NLGN4X: variants seen among roughly 807,000 people sequenced by gnomAD.
NLGN4X encodes the protein neuroligin 4 X-linked.
Under a neutral mutation model 40.3 loss-of-function variants are expected in NLGN4X, and 3 were observed. That is an observed-to-expected ratio of 0.07 (90% CI 0.03 to 0.19). The LOEUF is 0.19. Among genes scored for constraint, NLGN4X ranks in the 10% least tolerant of loss-of-function variants. The pLI, the probability that NLGN4X is intolerant of heterozygous loss-of-function variation, is 1.00. For missense variants in NLGN4X, 382 were observed against 708.3 expected (o/e 0.54, Z 5.23); for synonymous variants, 270 against 306.8 (o/e 0.88, Z 1.25).
At chrX:6,040,910 T>C (rs2037138699) in intron 2 of NLGN4X, among the ~76,000 whole-genome samples, 1 of 111,560 alleles carries the variant, frequency 9.0e-6, no homozygotes, top group Admixed American at 9.6e-5. Context: ...ATTGACAATA[T>C]CTAATGGCAG....
chrX:6,146,390 T>C (rs1312344786), intron 2 of NLGN4X, among the ~76,000 whole-genome samples: 1 of 112,212 alleles, frequency 8.9e-6, no homozygotes, highest in Non-Finnish European at 1.9e-5. Flanking sequence ...AAAAATAGCC[T>C]GTCCCTGAGC....
intron 2 of NLGN4X, among the ~76,000 whole-genome samples, chrX:6,071,589 T>A (rs2178609): frequency 3.6e-5 from 4 of 110,410 alleles, no homozygotes; most frequent in African/African-American, 1.3e-4. Context: ...GATCCCCTCA[T>A]GGTCCCGGAG....
intron 3 of NLGN4X, among the ~76,000 whole-genome samples, chrX:5,926,166 A>G (rs5915624): frequency 0.026 from 2,782 of 105,212 alleles, 33 homozygotes; most frequent in Non-Finnish European, 0.034. Flanking sequence ...TCCCCTTTCA[A>G]TGGGCACTCA....
At chrX:5,960,884 T>C (rs911138681) in intron 3 of NLGN4X, among the ~76,000 whole-genome samples, 1 of 112,143 alleles carries the variant, frequency 8.9e-6, no homozygotes, top group Non-Finnish European at 1.9e-5. Flanking sequence ...TTCACCACCA[T>C]ATTTTCCATA....
intron 1 of NLGN4X, among the ~76,000 whole-genome samples, chrX:6,224,993 TATATATATATATATATATACAC>T (rs1481753584): frequency 9.6e-5 from 5 of 52,286 alleles, no homozygotes; most frequent in African/African-American, 4.1e-4. Flanking sequence ...TATATATATA[TATATATATATATATATATACAC>T]ACACACACAC....
intron 3 of NLGN4X, among the ~76,000 whole-genome samples, chrX:5,940,608 A>C (rs945467415): frequency 9.1e-6 from 1 of 109,704 alleles, no homozygotes; most frequent in African/African-American, 3.4e-5. Flanking sequence ...AGAAAAAAAA[A>C]AAACTTTTTT....
chrX:6,132,682 G>A (rs2039706627), intron 2 of NLGN4X, among the ~76,000 whole-genome samples: 1 of 111,688 alleles, frequency 9.0e-6, no homozygotes, highest in African/African-American at 3.3e-5. Flanking sequence ...ACCCATCTGA[G>A]AGCTCCAGAT....
At chrX:5,919,020 AGAGATTTAAATAGCTGGGG>A (rs1451304880) in intron 3 of NLGN4X, among the ~76,000 whole-genome samples, 17 of 112,405 alleles carry the variant, frequency 1.5e-4, no homozygotes, top group Non-Finnish European at 3.0e-4. Context: ...TTATTTACGG[AGAGATTTAAATAGCTGGGG>A]CTAAGATTTC....
In NLGN4X at chrX:6,098,930, C is replaced by T. The variant is rs2038844352; in HGVS notation, c.472+52065G>A. Among the ~76,000 whole-genome samples, 3 of 112,223 alleles carry T rather than the reference C, an allele frequency of 2.7e-5. No individual in the cohort carries two copies. In the South Asian group the frequency reaches 1.1e-3, roughly 41 times the overall value. ...TGTGGGTGATCTGATGATTATTTTTCTTCAACTGCTGGAAGAGTTTCTCAA... is the reference window on the plus strand; with the variant it reads ...TGTGGGTGATCTGATGATTATTTTTTTTCAACTGCTGGAAGAGTTTCTCAA... On this transcript the variant is annotated intron_variant, in intron 2 of 5. Coordinates refer to ENST00000381095, the MANE Select transcript of NLGN4X (RefSeq NM_181332.3).
intron 3 of NLGN4X, among the ~76,000 whole-genome samples, chrX:6,023,544 G>C (rs773610980): frequency 8.9e-6 from 1 of 111,976 alleles, no homozygotes; most frequent in South Asian, 3.7e-4. Flanking sequence ...GTTACACCCG[G>C]GTTTCAGTCC....
chrX:6,026,440 T>C (rs1239294476), intron 3 of NLGN4X, among the ~76,000 whole-genome samples: 1 of 112,036 alleles, frequency 8.9e-6, no homozygotes, highest in Non-Finnish European at 1.9e-5. Context: ...TGATCATCTT[T>C]TTAAATATCT....
intron 2 of NLGN4X, among the ~76,000 whole-genome samples, chrX:6,082,094 C>T: frequency 8.9e-6 from 1 of 111,877 alleles, no homozygotes; most frequent in South Asian, 3.7e-4. Context: ...AAAATAATCC[C>T]CTATTTTTTA....
rs2040150113 is a variant in NLGN4X, at chrX:6,150,928, C to A, written c.472+67G>T. Reference sequence around the variant, plus strand: ...AGATCATGCATGAGACATTATAAAACCCTCCTAGCAAATCTCTCTACACAC... The same window carrying A: ...AGATCATGCATGAGACATTATAAAAACCTCCTAGCAAATCTCTCTACACAC... On this transcript the variant is annotated intron_variant, in intron 2 of 5. Transcript: ENST00000381095. The A allele has an allele frequency of 8.8e-6, 8 of 910,606 alleles. No homozygotes were observed. In the Admixed American group the frequency reaches 1.8e-4, roughly 20 times the overall value. 75.0% of individuals were successfully genotyped at this position (910,606 alleles called of 1,213,427 possible). A position where few individuals can be genotyped will look rare whatever the true frequency, so the allele number is the denominator to read the frequency against.
chrX:6,112,458 GAATA>G (rs1291884162), intron 2 of NLGN4X, among the ~76,000 whole-genome samples: 2 of 110,870 alleles, frequency 1.8e-5, no homozygotes, highest in Admixed American at 9.6e-5. Context: ...GTAAATGAGG[GAATA>G]AATAAATGAG....
At chrX:6,190,165 C>A (rs1438780963) in intron 1 of NLGN4X, among the ~76,000 whole-genome samples, 1 of 110,727 alleles carries the variant, frequency 9.0e-6, no homozygotes, top group Admixed American at 9.7e-5. Context: ...AAAAACAAAA[C>A]CTAGTATTTG....
chrX:5,894,129 G>A (rs1175643441), intron 5 of NLGN4X, among the ~76,000 whole-genome samples: 1 of 111,691 alleles, frequency 9.0e-6, no homozygotes, highest in Non-Finnish European at 1.9e-5. Context: ...GTTCTATGAA[G>A]GGTGGAGGTG....
At chrX:6,180,505 C>T (rs1451131349) in intron 1 of NLGN4X, among the ~76,000 whole-genome samples, 1 of 111,730 alleles carries the variant, frequency 9.0e-6, no homozygotes, top group Admixed American at 9.5e-5. Context: ...AGCAAAAACC[C>T]CTATGCTTCC....
intron 3 of NLGN4X, among the ~76,000 whole-genome samples, chrX:5,964,478 T>C (rs1244242486): frequency 4.5e-5 from 5 of 112,197 alleles, no homozygotes; most frequent in Admixed American, 9.5e-5. Flanking sequence ...CAAAGCATAA[T>C]GCAATCTTGT....
chrX:6,003,146 T>A (rs866447144), intron 3 of NLGN4X, among the ~76,000 whole-genome samples: 2 of 111,581 alleles, frequency 1.8e-5, no homozygotes, highest in Middle Eastern at 4.6e-3. Flanking sequence ...TTGAGTGCAC[T>A]CAGACCCAGC....
Sources: gnomAD v4.1 joint callset for allele counts (sites outside exome capture counted in the v4.1 genomes callset) on GRCh38, gnomAD v4.1.1 for gene constraint, MANE v1.5 for transcripts, NCBI Gene and HGNC (gene_info 2026-07-23, HGNC 2026-07-21) for gene names.